The following HGSNAT variants were observed in gnomAD, a reference collection of about 807,000 sequenced individuals.
The protein encoded by HGSNAT is transmembrane protein 76.
HGSNAT carries 59 observed loss-of-function variants against 85.2 expected under a neutral mutation model. That is an observed-to-expected ratio of 0.69 (90% confidence interval 0.56 to 0.86). The LOEUF is 0.86. Ranked by LOEUF, HGSNAT falls within the 40% of genes least tolerant of loss-of-function variation. The pLI is 0.00. For missense variants in HGSNAT, 756 were observed against 777.1 expected (o/e 0.97, Z 0.32); for synonymous variants, 321 against 304.5 (o/e 1.05, Z -0.56).
chr8:43,179,689 G>T (rs1803975365), intron 10 of HGSNAT, among the ~76,000 whole-genome samples: 1 of 8,158 alleles, frequency 1.2e-4, no homozygotes, highest in Non-Finnish European at 2.5e-4. Flanking sequence ...CTCCCGGATG[G>T]GGCGGCTGGC....
Position 43,187,958 on chromosome 8 carries a change from T to G in HGSNAT, c.1129-3516T>G, listed in dbSNP as rs138852704. ...CTGAAAATCCTTTTCTTTAAGAATGTTGGATATTGGCCCCCACTGTCTTGT... is the reference window on the plus strand; with the variant it reads ...CTGAAAATCCTTTTCTTTAAGAATGGTGGATATTGGCCCCCACTGTCTTGT... On this transcript the variant is annotated intron_variant, in intron 11 of 17. Transcript: ENST00000379644. Among the ~76,000 whole-genome samples the G allele has an allele frequency of 4.4e-3, 665 of 152,358 alleles. 8 individuals carry two copies. The highest frequency in any genetic ancestry group is 0.015 in the African/African-American group (636 of 41,584).
chr8:43,191,839 T>G (rs1167166782), intron 12 of HGSNAT, among the ~76,000 whole-genome samples: 1 of 152,156 alleles, frequency 6.6e-6, no homozygotes, highest in African/African-American at 2.4e-5. Context: ...AGTTTGTCAG[T>G]GAGCGTGCAT....
intron 2 of HGSNAT, among the ~76,000 whole-genome samples, chr8:43,155,586 C>G (rs1012531954): frequency 6.6e-6 from 1 of 152,066 alleles, no homozygotes; most frequent in African/African-American, 2.4e-5. Context: ...TGTGCATAGG[C>G]TTTTTTACTT....
In HGSNAT at chr8:43,143,186, G is replaced by C. The variant is rs145245199; in HGVS notation, c.118+2572G>C. On this transcript the variant is annotated intron_variant, in intron 1 of 17. Coordinates refer to ENST00000379644, the MANE Select transcript of HGSNAT (RefSeq NM_152419.3). ...AAGGTGTCAGGGATTAAATAAAGGT[G>C]GTTAAATAAATAAATGATTCAGGAA... Among the ~76,000 whole-genome samples, 82 of 152,252 alleles carry C rather than the reference G, an allele frequency of 5.4e-4. 1 individual carries two copies. In the East Asian group the frequency reaches 0.011, roughly 20 times the overall value.
intron 10 of HGSNAT, among the ~76,000 whole-genome samples, chr8:43,179,047 A>AT (rs1563372838): frequency 6.8e-6 from 1 of 147,340 alleles, no homozygotes; most frequent in Non-Finnish European, 1.5e-5. Context: ...CGATTTCTCA[A>AT]TTTTTTCCCC....
chr8:43,169,307 T>C, intron 6 of HGSNAT, 65 bp downstream of exon 6: 1 of 1,035,546 alleles, frequency 9.7e-7, no homozygotes, highest in Non-Finnish European at 1.4e-6. Flanking sequence ...TATAGTTTCT[T>C]ATTTAATCAT....
rs145098528 is a variant in HGSNAT, at chr8:43,191,976, A to T, written c.1251-328A>T. On this transcript the variant is annotated intron_variant, in intron 12 of 17. Coordinates refer to ENST00000379644, the MANE Select transcript of HGSNAT (RefSeq NM_152419.3). ...TGGAATCTTGCTCTGTCGCCCAGGC[A>T]GGAGTGCAGTGGCATGAACTCGGCT... Among the ~76,000 whole-genome samples the T allele has an allele frequency of 5.6e-3, 852 of 152,032 alleles. 12 individuals are homozygous for T. Among genetic ancestry groups the T allele is most frequent in the African/African-American group, 0.02 (818 of 41,464 alleles).
intron 2 of HGSNAT, among the ~76,000 whole-genome samples, chr8:43,148,698 G>T (rs1451253653): frequency 6.6e-6 from 1 of 151,446 alleles, no homozygotes; most frequent in Non-Finnish European, 1.5e-5. Context: ...GCTGAGGCTG[G>T]AGAATCGCTT....
Position 43,199,412 on chromosome 8 carries a change from T to G in HGSNAT, c.1751T>G (p.Val584Gly). 6.2e-7 allele frequency: 1 copy of G among 1,604,782 alleles called. No homozygotes were observed. The highest frequency in any genetic ancestry group is 8.5e-7 in the Non-Finnish European group (1 of 1,175,200). The stretch of plus-strand genomic sequence containing the variant: ...GGAATGAATTCCATTCTGGTATATG[T>G]CGGCCACGAGGTGTTTGAGAACTAC... ...YPGMNSILVY[V>G]GHEVFENYFP... Residue 584 changes from valine (V) to glycine (G), a missense_variant, in exon 18 of 18, where the codon GTC becomes GGC. Physicochemically the swap from Val to Gly is moderately radical, Grantham distance 109 (BLOSUM62 -3). Coordinates refer to ENST00000379644, the MANE Select transcript of HGSNAT (RefSeq NM_152419.3).
intron 14 of HGSNAT, chr8:43,196,627 G>A (rs1586756901): frequency 1.3e-5 from 12 of 905,566 alleles, no homozygotes; most frequent in South Asian, 1.3e-4. Context: ...TGCTTCCCCC[G>A]AGCTCTGTGC....
intron 7 of HGSNAT, among the ~76,000 whole-genome samples, chr8:43,171,485 TTAAAAG>T (rs1803624620): frequency 6.6e-6 from 1 of 152,176 alleles, no homozygotes; most frequent in South Asian, 2.1e-4. Flanking sequence ...CTGATTCACA[TTAAAAG>T]TAAAAGAAAT....
At position 43,198,301 on chromosome 8, in the gene HGSNAT, T is replaced by C. The variant is rs1044650160; in HGVS notation, c.1726+349T>C. Among the ~76,000 whole-genome samples the C allele has an allele frequency of 4.5e-3, 655 of 147,030 alleles. 8 individuals are homozygous for C. The highest frequency in any genetic ancestry group is 0.016 in the African/African-American group (626 of 39,628). ...GGTTCTTTTTTTTTTTTTTTTTTTT[T>C]TTTTGAGACAGAGTCTTGCTCTGTT... On this transcript the variant is annotated intron_variant, in intron 17 of 17. Transcript: ENST00000379644.
At chr8:43,182,376 G>C in intron 11 of HGSNAT, 116 bp downstream of exon 11, 1 of 882,094 alleles carries the variant, frequency 1.1e-6, no homozygotes. Flanking sequence ...GGCTTCAAGT[G>C]ATCCTCCTGC....
chr8:43,194,602 T>C, intron 14 of HGSNAT: 1 of 815,396 alleles, frequency 1.2e-6, no homozygotes, highest in African/African-American at 1.9e-5. Context: ...GGGTCTGGGC[T>C]CTCCTCCCAA....
chr8:43,188,279 C>G (rs1469437404), intron 11 of HGSNAT, among the ~76,000 whole-genome samples: 1 of 152,206 alleles, frequency 6.6e-6, no homozygotes, highest in African/African-American at 2.4e-5. Flanking sequence ...TTCAGGTACA[C>G]CAATCAGACA....
In HGSNAT at chr8:43,197,897, G is replaced by A. The variant is rs369681926; in HGVS notation, c.1671G>A (p.Leu557=). The change falls in exon 17 of 18, where the codon CTG becomes CTA. Residue 557 remains leucine, a synonymous_variant. Coordinates refer to ENST00000379644, the MANE Select transcript of HGSNAT (RefSeq NM_152419.3). ...SSFAFFILLV[L]YPVVDVKGLW... ...TTGCCTTCTTCATCCTGCTGGTCCT[G>A]TACCCAGTTGTGGATGTGAAGGGGC... 2.5e-6 allele frequency: 4 copies of A among 1,613,844 alleles called. No homozygotes were observed. Among genetic ancestry groups the A allele is most frequent in the Non-Finnish European group, 3.4e-6 (4 of 1,179,886 alleles).
Position 43,197,951 on chromosome 8 carries a change from AG to A in HGSNAT, c.1726+1del. 1 of 1,607,824 alleles carries A rather than the reference AG, an allele frequency of 6.2e-7. No individual in the cohort carries two copies. Among genetic ancestry groups the A allele is most frequent in the South Asian group, 1.1e-5 (1 of 90,678 alleles). ...LWTGTPFFYP[G>X]MNSILVYVGH... ...GGACAGGAACCCCATTCTTTTATCC[AG>A]GTAAGTCACCTCCAACCTCAAACAG... is the stretch of plus-strand genomic sequence containing the variant. On this transcript the variant is annotated frameshift_variant and splice_region_variant, in exon 17 of 18. Coordinates refer to ENST00000379644, the MANE Select transcript of HGSNAT (RefSeq NM_152419.3). LOFTEE classifies it high-confidence loss of function.
At chr8:43,159,621 A>C (rs1199050390) in intron 4 of HGSNAT, among the ~76,000 whole-genome samples, 1 of 152,184 alleles carries the variant, frequency 6.6e-6, no homozygotes, top group Admixed American at 6.5e-5. Flanking sequence ...ATACATTCTC[A>C]TAGTTTTTAG....
rs1426970047 is a variant in HGSNAT at position 43,199,620 on chromosome 8, G to A, written c.*51G>A. On this transcript the variant is annotated 3_prime_UTR_variant, in exon 18 of 18. Coordinates refer to ENST00000379644, the MANE Select transcript of HGSNAT (RefSeq NM_152419.3). Reference sequence around the variant, plus strand: ...GAAGACTCTAGTAGGCCTGCAGGGAGGACTGAAGCAGCCTTTGTTAAAGGG... The same window carrying A: ...GAAGACTCTAGTAGGCCTGCAGGGAAGACTGAAGCAGCCTTTGTTAAAGGG... 44 of 1,357,436 alleles carry A rather than the reference G, an allele frequency of 3.2e-5. No homozygotes were observed. The highest frequency in any genetic ancestry group is 4.2e-5 in the Non-Finnish European group (43 of 1,018,522). 84.1% of individuals were successfully genotyped at this position (1,357,436 alleles called of 1,614,324 possible).
Sources: allele counts gnomAD v4.1 joint callset (sites outside exome capture counted in the v4.1 genomes callset), GRCh38; gene constraint gnomAD v4.1.1; transcripts MANE v1.5; gene names NCBI Gene and HGNC (gene_info 2026-07-23, HGNC 2026-07-21).